Variants in LRRC40 observed in about 807,000 individuals in gnomAD.
LRRC40 encodes leucine-rich repeat-containing protein 40.
LRRC40 carries 76 observed loss-of-function variants against 72.8 expected under a neutral mutation model. The ratio of observed to expected loss-of-function variants is 1.04; its 90% confidence interval spans 0.87 to 1.26. The LOEUF is 1.26. Ranked by LOEUF, LRRC40 falls within the 50% of genes most tolerant of loss-of-function variation. The pLI, the probability that LRRC40 is intolerant of heterozygous loss-of-function variation, is 0.00. For missense variants in LRRC40, 684 were observed against 698.9 expected (o/e 0.98, Z 0.24); for synonymous variants, 243 against 254.2 (o/e 0.96, Z 0.42).
intron 11 of LRRC40, among the ~76,000 whole-genome samples, chr1:70,154,576 T>A (rs1005613954): frequency 6.6e-6 from 1 of 152,206 alleles, no homozygotes; most frequent in African/African-American, 2.4e-5. Context: ...CAATGGACTA[T>A]CTTAAATTTG....
At chr1:70,190,251 CAG>C (rs922927171) in intron 1 of LRRC40, among the ~76,000 whole-genome samples, 3 of 152,098 alleles carry the variant, frequency 2.0e-5, no homozygotes, top group African/African-American at 7.2e-5. Context: ...TCAAAACCAT[CAG>C]AGACTAAATG....
chr1:70,198,695 A>G (rs1668667899), intron 1 of LRRC40, among the ~76,000 whole-genome samples: 1 of 152,240 alleles, frequency 6.6e-6, no homozygotes, highest in Admixed American at 6.5e-5. Flanking sequence ...AAAATTGCGA[A>G]CAAAATTTGA....
rs567957615 is a variant in LRRC40 at position 70,174,858 on chromosome 1, C to G, written c.977+952G>C. ...CTACATGGCTGTGATTACGGTTACA[C>G]AAATATATACCTTTGCCAAAAATCA... On this transcript the variant is annotated intron_variant, in intron 7 of 14. Coordinates refer to ENST00000370952, the MANE Select transcript of LRRC40 (RefSeq NM_017768.5). Among the ~76,000 whole-genome samples the G allele has an allele frequency of 6.6e-5, 10 of 152,134 alleles. No individual in the cohort carries two copies. In the East Asian group the frequency reaches 1.9e-3, roughly 29 times the overall value.
At chr1:70,154,713 A>G (rs1443222256) in intron 11 of LRRC40, among the ~76,000 whole-genome samples, 5 of 152,202 alleles carry the variant, frequency 3.3e-5, no homozygotes, top group Admixed American at 6.5e-5. Flanking sequence ...AAGTCATTCA[A>G]CTTTCTCAAT....
At chr1:70,184,678 T>G (rs1482937117) in intron 4 of LRRC40, 107 bp downstream of exon 4, 2 of 1,038,216 alleles carry the variant, frequency 1.9e-6, no homozygotes, top group Non-Finnish European at 2.7e-6. Context: ...AATCACAAAA[T>G]CAGCTGTCCA....
At position 70,148,530 on chromosome 1, in the gene LRRC40, G is replaced by C. The variant is rs1379103284; in HGVS notation, c.1660C>G (p.Leu554Val). 1.2e-6 allele frequency: 2 copies of C among 1,613,012 alleles called. No homozygotes were observed. The highest frequency in any genetic ancestry group is 3.3e-5 in the Admixed American group (2 of 59,984). ...CCGAGCTCTGGTGGAATTTGTAAGA[G>C]GTCATTATTTTGAAGGTCCAACGTG... ...LTTLDLQNND[L>V]LQIPPELGNC... The change falls in exon 14 of 15, where the codon CTC (leucine) becomes GTC (valine). Residue 554 changes from leucine (L) to valine (V), a missense_variant. Leu to Val is a conservative substitution (Grantham distance 32). Transcript: ENST00000370952.
At chr1:70,168,772 CA>C (rs1158352797) in intron 9 of LRRC40, among the ~76,000 whole-genome samples, 1 of 152,098 alleles carries the variant, frequency 6.6e-6, no homozygotes, top group Non-Finnish European at 1.5e-5. Context: ...TTTTTTATGT[CA>C]GGGGCACATT....
intron 9 of LRRC40, among the ~76,000 whole-genome samples, chr1:70,168,309 T>A (rs553379006): frequency 2.0e-5 from 3 of 152,160 alleles, no homozygotes; most frequent in African/African-American, 4.8e-5. Flanking sequence ...ACTGGGGCCC[T>A]GACTGCTCTT....
chr1:70,181,208 T>C lies in LRRC40; in HGVS notation c.539A>G (p.Asp180Gly). ...FEQLSNLEDL[D>G]LSNNHLTTVP... is the part of the protein sequence containing the mutation. Reference sequence around the variant, plus strand: ...AGTTGTAAGATGATTGTTTGAAAGATCCTTTAAAAAGAGAAAGACAAAATA... The same window carrying C: ...AGTTGTAAGATGATTGTTTGAAAGACCCTTTAAAAAGAGAAAGACAAAATA... The change falls in exon 5 of 15, where the codon GAT (aspartate) becomes GGT (glycine). Residue 180 changes from aspartate to glycine, a missense_variant and splice_region_variant. Transcript: ENST00000370952. The C allele has an allele frequency of 6.5e-7, 1 of 1,533,138 alleles. No individual in the cohort carries two copies. The highest frequency in any genetic ancestry group is 1.3e-5 in the South Asian group (1 of 76,636). 95.0% of individuals were successfully genotyped at this position (1,533,138 alleles called of 1,614,324 possible).
chr1:70,182,214 A>C (rs1203752527), intron 4 of LRRC40, among the ~76,000 whole-genome samples: 2 of 151,974 alleles, frequency 1.3e-5, no homozygotes, highest in Non-Finnish European at 2.9e-5. Flanking sequence ...TCTAATACTA[A>C]AAACTCTAAG....
chr1:70,166,661 TA>T (rs201660385), intron 9 of LRRC40, among the ~76,000 whole-genome samples: 252 of 139,182 alleles, frequency 1.8e-3, no homozygotes, highest in Middle Eastern at 3.6e-3. Flanking sequence ...CGCTTCTAAA[TA>T]AAAAAAAAAA....
In LRRC40 at chr1:70,175,824, G is replaced by A; in HGVS notation, c.963C>T (p.Asn321=). ...TTTAAACTTACCTACTAATATCATT[G>A]TTGCTTAGGTCAAGCCTTTCCAAGG... ...LRSLERLDLS[N]NDISSLPYSL... is the part of the protein sequence containing the mutation. The change falls in exon 7 of 15, where the codon AAC becomes AAT. Residue 321 remains asparagine, a synonymous_variant. Transcript: ENST00000370952. The A allele has an allele frequency of 6.4e-7, 1 of 1,557,514 alleles. No individual in the cohort carries two copies. The highest frequency in any genetic ancestry group is 8.6e-7 in the Non-Finnish European group (1 of 1,157,166).
intron 12 of LRRC40, among the ~76,000 whole-genome samples, chr1:70,152,135 A>C (rs1428572949): frequency 6.6e-6 from 1 of 152,158 alleles, no homozygotes; most frequent in Non-Finnish European, 1.5e-5. Context: ...TGAAAAAAAT[A>C]CTTTCCATGT....
intron 9 of LRRC40, among the ~76,000 whole-genome samples, chr1:70,169,006 G>C (rs1558117236): frequency 6.6e-6 from 1 of 151,954 alleles, no homozygotes; most frequent in African/African-American, 2.4e-5. Context: ...TAAGATACTA[G>C]AAAAAAAGAA....
chr1:70,186,357 T>C (rs1668359140), intron 3 of LRRC40, among the ~76,000 whole-genome samples: 1 of 152,210 alleles, frequency 6.6e-6, no homozygotes, highest in South Asian at 2.1e-4. Flanking sequence ...GCCACGTCTA[T>C]GCCTTTGACT....
At chr1:70,185,044 A>G (rs1668330169) in intron 3 of LRRC40, 130 bp from the exon 4 acceptor site, 1 of 654,138 alleles carries the variant, frequency 1.5e-6, no homozygotes, top group Non-Finnish European at 2.4e-6. Flanking sequence ...TTAAGTACTT[A>G]TCAAAATTCA....
At chr1:70,190,378 T>A (rs1668466101) in intron 1 of LRRC40, among the ~76,000 whole-genome samples, 1 of 151,950 alleles carries the variant, frequency 6.6e-6, no homozygotes, top group East Asian at 1.9e-4. Context: ...ATGAGACTTA[T>A]ACTCACTGAA....
At chr1:70,200,436 G>C (rs536425413) in intron 1 of LRRC40, among the ~76,000 whole-genome samples, 1 of 151,602 alleles carries the variant, frequency 6.6e-6, no homozygotes, top group Admixed American at 6.6e-5. Flanking sequence ...ACTCTAGCCC[G>C]GTCAACAGAA....
At chr1:70,154,206 T>G (rs1050429893) in intron 11 of LRRC40, among the ~76,000 whole-genome samples, 2 of 152,256 alleles carry the variant, frequency 1.3e-5, no homozygotes, top group African/African-American at 2.4e-5. Context: ...GGAAAGTGGT[T>G]TGGGAACTTT....
Sources: allele counts gnomAD v4.1 joint callset (sites outside exome capture counted in the v4.1 genomes callset), GRCh38; gene constraint gnomAD v4.1.1; transcripts MANE v1.5; gene names NCBI Gene and HGNC (gene_info 2026-07-23, HGNC 2026-07-21).